Variants in TMED3 observed in about 807,000 individuals in gnomAD.
TMED3 encodes transmembrane emp24 domain-containing protein 3.
In TMED3, 9 loss-of-function variants were observed where a neutral mutation model predicts 15.0. That is an observed-to-expected ratio of 0.60 (90% CI 0.36 to 1.04). The LOEUF is 1.04. TMED3 is among the 50% of genes least tolerant of loss of function. The pLI, the probability that TMED3 is intolerant of heterozygous loss-of-function variation, is 0.01. For missense variants in TMED3, 267 were observed against 278.9 expected (o/e 0.96, Z 0.30); for synonymous variants, 117 against 121.4 (o/e 0.96, Z 0.24).
chr15:79,388,329 A>G (rs1893652763), intron 2 of TMED3, among the ~76,000 whole-genome samples: 1 of 152,106 alleles, frequency 6.6e-6, no homozygotes, highest in African/African-American at 2.4e-5. Flanking sequence ...CCATTAATGA[A>G]TGATGAATTT....
intron 2 of TMED3, among the ~76,000 whole-genome samples, chr15:79,361,048 A>G (rs987192685): frequency 6.6e-6 from 1 of 151,614 alleles, no homozygotes; most frequent in South Asian, 2.1e-4. Context: ...TTTTTTGTAG[A>G]GAGAGAGTCT....
intron 2 of TMED3, among the ~76,000 whole-genome samples, chr15:79,317,938 T>A (rs1416357805): frequency 1.3e-5 from 2 of 152,232 alleles, no homozygotes; most frequent in East Asian, 3.8e-4. Context: ...ATTCCGATCT[T>A]GCCAATCTTC....
At chr15:79,323,690 GA>G (rs2141219358), downstream of TMED3, among the ~76,000 whole-genome samples, 1 of 152,248 alleles carries the variant, frequency 6.6e-6, no homozygotes, top group South Asian at 2.1e-4. Context: ...CAAGCACTGA[GA>G]AAGGAGTTTA....
downstream of TMED3, among the ~76,000 whole-genome samples, chr15:79,326,139 C>A (rs1234282054): frequency 1.3e-5 from 2 of 152,148 alleles, no homozygotes; most frequent in Non-Finnish European, 2.9e-5. Flanking sequence ...AGACAAACAT[C>A]ATAATGATTC....
In TMED3 at chr15:79,377,734, G is replaced by A. The variant is rs992293777; in HGVS notation, c.418-33666G>A. On this transcript the variant is annotated intron_variant, in intron 2 of 2. Transcript: ENST00000424155. Reference sequence around the variant, plus strand: ...GCAATCTCGGCTCGCTGCAAGCTCCGCCTCCCGGGTTCACCCATTCGCCTG... The same window carrying A: ...GCAATCTCGGCTCGCTGCAAGCTCCACCTCCCGGGTTCACCCATTCGCCTG... Among the ~76,000 whole-genome samples the A allele has an allele frequency of 5.7e-5, 8 of 140,726 alleles. No individual in the cohort carries two copies. In the South Asian group the frequency reaches 6.9e-4, roughly 12 times the overall value. The allele number at this position is 140,726 out of a possible 152,430, so 92.3% of individuals were successfully genotyped here. A position where few individuals can be genotyped will look rare whatever the true frequency, so the allele number is the denominator to read the frequency against.
intron 2 of TMED3, among the ~76,000 whole-genome samples, chr15:79,386,505 C>T (rs1010852742): frequency 6.6e-6 from 1 of 152,052 alleles, no homozygotes; most frequent in Non-Finnish European, 1.5e-5. Context: ...TTTGGCTTTT[C>T]ATTCTCTAAA....
At chr15:79,387,541 G>T (rs143037111) in intron 2 of TMED3, among the ~76,000 whole-genome samples, 3 of 151,800 alleles carry the variant, frequency 2.0e-5, no homozygotes, top group Non-Finnish European at 4.4e-5. Flanking sequence ...TTGCATTTCC[G>T]TGAAAATGTT....
chr15:79,358,291 A>C (rs1893052960), intron 2 of TMED3, among the ~76,000 whole-genome samples: 1 of 152,226 alleles, frequency 6.6e-6, no homozygotes, highest in Non-Finnish European at 1.5e-5. Flanking sequence ...TCAGGACTTG[A>C]GGCCAGCACC....
chr15:79,324,585 TTAATA>T (rs2058780779), downstream of TMED3, among the ~76,000 whole-genome samples: 1 of 152,208 alleles, frequency 6.6e-6, no homozygotes, highest in South Asian at 2.1e-4. Context: ...AAAGTAATAT[TTAATA>T]TATGGTAGAA....
chr15:79,402,278 C>A (rs904401717), intron 2 of TMED3, among the ~76,000 whole-genome samples: 8 of 152,140 alleles, frequency 5.3e-5, no homozygotes, highest in African/African-American at 1.9e-4. Context: ...CCCCATGGGT[C>A]CAGTTATCTT....
downstream of TMED3, among the ~76,000 whole-genome samples, chr15:79,324,797 T>C (rs1333939687): frequency 1.3e-5 from 2 of 152,184 alleles, no homozygotes; most frequent in African/African-American, 2.4e-5. Context: ...GGTGTCAGCA[T>C]TGGCATTTTA....
At chr15:79,352,482 A>G (rs1005294822) in intron 2 of TMED3, among the ~76,000 whole-genome samples, 1 of 152,038 alleles carries the variant, frequency 6.6e-6, no homozygotes, top group Non-Finnish European at 1.5e-5. Flanking sequence ...CAGATGCATC[A>G]AAGCTGGGGA....
rs372062906 is a variant in TMED3 at position 79,315,514 on chromosome 15, A to G, written c.417+1509A>G. Among the ~76,000 whole-genome samples the G allele has an allele frequency of 3.9e-5, 6 of 152,198 alleles. No individual in the cohort carries two copies. In the East Asian group the frequency reaches 7.7e-4, roughly 20 times the overall value. On this transcript the variant is annotated intron_variant, in intron 2 of 2. Coordinates refer to ENST00000299705, the MANE Select transcript of TMED3 (RefSeq NM_007364.4). ...ACAGCCTCTATTGGGAAGATTCTGT[A>G]AGTCTCCAAAAGCTGAGCTGAAGAA...
chr15:79,352,148 A>G (rs1487190907), intron 2 of TMED3, among the ~76,000 whole-genome samples: 1 of 152,118 alleles, frequency 6.6e-6, no homozygotes, highest in Admixed American at 6.5e-5. Flanking sequence ...GTGCACCAAA[A>G]TATCAGAAAT....
At chr15:79,359,035 T>C (rs896369080) in intron 2 of TMED3, among the ~76,000 whole-genome samples, 2 of 152,090 alleles carry the variant, frequency 1.3e-5, no homozygotes, top group African/African-American at 4.8e-5. Context: ...CAGCACCTCA[T>C]CTATCAGGAG....
At chr15:79,377,590 G>A (rs538468605) in intron 2 of TMED3, among the ~76,000 whole-genome samples, 1 of 151,626 alleles carries the variant, frequency 6.6e-6, no homozygotes, top group African/African-American at 2.4e-5. Context: ...AAGGACTCTG[G>A]TAGCAACTTA....
intron 2 of TMED3, among the ~76,000 whole-genome samples, chr15:79,382,237 G>A (rs1007385322): frequency 2.0e-5 from 3 of 152,158 alleles, no homozygotes; most frequent in African/African-American, 7.2e-5. Context: ...CAGGTCATGG[G>A]TTCATGGTAC....
chr15:79,367,724 G>T (rs1893263124), intron 2 of TMED3, among the ~76,000 whole-genome samples: 1 of 152,186 alleles, frequency 6.6e-6, no homozygotes, highest in South Asian at 2.1e-4. Context: ...AAAGGCAGGG[G>T]TAAATTTCAG....
intron 2 of TMED3, among the ~76,000 whole-genome samples, chr15:79,368,245 G>A (rs891417596): frequency 1.5e-4 from 23 of 152,164 alleles, no homozygotes; most frequent in Non-Finnish European, 2.8e-4. Context: ...AGGAACTCAA[G>A]ATTTTCCTTT....
Sources: gnomAD v4.1 joint callset for allele counts (sites outside exome capture counted in the v4.1 genomes callset) on GRCh38, gnomAD v4.1.1 for gene constraint, MANE v1.5 for transcripts, NCBI Gene and HGNC (gene_info 2026-07-23, HGNC 2026-07-21) for gene names.